Variants in GFPT2 observed in about 807,000 individuals in gnomAD.
GFPT2 encodes glutamine--fructose-6-phosphate transaminase 2.
Under a neutral mutation model 85.6 loss-of-function variants are expected in GFPT2, and 62 were observed. The ratio of observed to expected loss-of-function variants is 0.72; its 90% CI spans 0.59 to 0.90. The LOEUF (loss-of-function observed/expected upper bound fraction) is 0.90, where lower values mean the gene tolerates loss of function less well. Among genes scored for constraint, GFPT2 ranks in the 40% least tolerant of loss-of-function variants. The pLI is 0.00. For missense variants in GFPT2, 788 were observed against 893.4 expected (o/e 0.88, Z 1.50); for synonymous variants, 368 against 344.5 (o/e 1.07, Z -0.75).
At position 180,323,750 on chromosome 5, in the gene GFPT2, T is replaced by A. The variant is rs537979565; in HGVS notation, c.794+438A>T. 1.3e-5 allele frequency among the ~76,000 whole-genome samples: 2 copies of A among 152,296 alleles called. No homozygotes were observed. The highest frequency in any genetic ancestry group is 2.1e-4 in the South Asian group (1 of 4,826). On this transcript the variant is annotated intron_variant, in intron 9 of 18. Transcript: ENST00000253778. This position sits in a 1 kb window ranked among gnomAD's most constrained non-coding sequence, Gnocchi z 4.0. ...AGGCAGGGAGGGGCATGGGAGGGAC[T>A]GAGGTCTAGACACAGTTGTCTCATC...
chr5:180,310,863 A>AAAAT (rs1763868157), intron 15 of GFPT2, among the ~76,000 whole-genome samples: 1 of 132,636 alleles, frequency 7.5e-6, no homozygotes, highest in Non-Finnish European at 1.6e-5. Flanking sequence ...AAAAAAAAAA[A>AAAAT]ATTTTTAGTA....
At chr5:180,343,332 C>G (rs928604390) in intron 1 of GFPT2, among the ~76,000 whole-genome samples, 5 of 152,226 alleles carry the variant, frequency 3.3e-5, no homozygotes, top group African/African-American at 1.2e-4. Flanking sequence ...TTCAGACCCA[C>G]GACAGCCTCC....
chr5:180,331,031 C>T (rs1764291219), intron 5 of GFPT2, 197 bp from the exon 6 acceptor site: 1 of 576,782 alleles, frequency 1.7e-6, no homozygotes, highest in East Asian at 2.9e-5. Flanking sequence ...TGAGATCATC[C>T]CACCTCAGAA....
chr5:180,336,872 G>A (rs919424257), intron 2 of GFPT2, among the ~76,000 whole-genome samples: 2 of 152,240 alleles, frequency 1.3e-5, no homozygotes, highest in African/African-American at 2.4e-5. Context: ...CCAGGCCCTC[G>A]GCTGATGGCA....
At chr5:180,343,105 C>G (rs1261543145) in intron 1 of GFPT2, among the ~76,000 whole-genome samples, 1 of 152,168 alleles carries the variant, frequency 6.6e-6, no homozygotes, top group Admixed American at 6.5e-5. Context: ...ACTTGTACCA[C>G]CCTAAGGGAA....
At chr5:180,313,538 C>T (rs906151247) in intron 14 of GFPT2, among the ~76,000 whole-genome samples, 2 of 151,202 alleles carry the variant, frequency 1.3e-5, no homozygotes, top group African/African-American at 4.9e-5. Flanking sequence ...TGCAGTGAGC[C>T]GAGATCGCGC....
chr5:180,352,164 C>A (rs540045491), intron 1 of GFPT2, among the ~76,000 whole-genome samples: 72 of 152,178 alleles, frequency 4.7e-4, no homozygotes, highest in Non-Finnish European at 5.4e-4. Context: ...TTCCCTTCTG[C>A]CGAGCAGCTG....
At position 180,328,482 on chromosome 5, in the gene GFPT2, TC is replaced by T; in HGVS notation, c.535-145del. 1 of 642,172 alleles carries T rather than the reference TC, an allele frequency of 1.6e-6. No individual in the cohort carries two copies. The highest frequency in any genetic ancestry group is 1.8e-5 in the African/African-American group (1 of 54,746). The allele number at this position is 642,172 out of a possible 1,614,324, so 39.8% of individuals were successfully genotyped here. ...GGGGAGCTGAGTGCAGAACAGCGCA[TC>T]CGGGGTGACATCACGAGGGAAAGCA... On this transcript the variant is annotated intron_variant, in intron 6 of 18. Coordinates refer to ENST00000253778, the MANE Select transcript of GFPT2 (RefSeq NM_005110.4). The surrounding 1 kb of genome is among the most constrained non-coding windows in gnomAD (Gnocchi z 5.4).
intron 12 of GFPT2, 52 bp from the exon 13 acceptor site, chr5:180,316,513 G>A: frequency 5.0e-6 from 8 of 1,605,756 alleles, no homozygotes; most frequent in Non-Finnish European, 6.0e-6. Context: ...GGCACGACAG[G>A]GACATGGGGC....
intron 13 of GFPT2, 39 bp from the exon 14 acceptor site, chr5:180,314,003 G>T (rs1271729407): frequency 5.8e-6 from 9 of 1,548,472 alleles, no homozygotes; most frequent in Non-Finnish European, 2.6e-6. Flanking sequence ...CGCTCCGCCA[G>T]CCTCGGCCCC....
chr5:180,304,333 C>T (rs567745854), intron 17 of GFPT2, among the ~76,000 whole-genome samples: 47 of 152,328 alleles, frequency 3.1e-4, no homozygotes, highest in African/African-American at 1.1e-3. Context: ...GTCAGTTGCT[C>T]AGATGTGTGG....
rs371138776 is a variant in GFPT2, at chr5:180,313,869, G to C, written c.1369C>G (p.Arg457Gly). 1.2e-6 allele frequency: 2 copies of C among 1,604,704 alleles called. No homozygotes were observed. The highest frequency in any genetic ancestry group is 1.7e-6 in the Non-Finnish European group (2 of 1,178,512). Residue 457 changes from arginine to glycine, a missense_variant, in exon 14 of 19, where the codon CGC becomes GGC. Physicochemically the swap from Arg to Gly is moderately radical, Grantham distance 125. Transcript: ENST00000253778. The stretch of plus-strand genomic sequence containing the variant: ...ATGTGGACGCCGCAGTCGGTCTCGC[G>C]AGAGATGGAGCTGCCCACGGTGTTG... The part of the protein sequence containing the change: ...VTNTVGSSIS[R>G]ETDCGVHINA...
rs1454017748 is a variant in GFPT2, at chr5:180,330,699, C to G, written c.534+1G>C. 2 of 1,610,538 alleles carry G rather than the reference C, an allele frequency of 1.2e-6. No homozygotes were observed. Among genetic ancestry groups the G allele is most frequent in the Admixed American group, 3.3e-5 (2 of 59,914 alleles). On this transcript the variant is annotated splice_donor_variant, in intron 6 of 18. Coordinates refer to ENST00000253778, the MANE Select transcript of GFPT2 (RefSeq NM_005110.4). LOFTEE classifies it high-confidence loss of function. The surrounding 1 kb of genome is among the most constrained non-coding windows in gnomAD (Gnocchi z 4.4). Reference sequence around the variant, plus strand: ...TTAGACAGATGGGATTTGTAACTCACCAACTGCTGAATGACTCTCTCGACC... The same window carrying G: ...TTAGACAGATGGGATTTGTAACTCAGCAACTGCTGAATGACTCTCTCGACC...
intron 1 of GFPT2, chr5:180,352,583 G>C: frequency 2.2e-6 from 1 of 449,062 alleles, no homozygotes; most frequent in Non-Finnish European, 4.4e-6. Flanking sequence ...GCCGAGGTTC[G>C]GGCAGTGACT....
At chr5:180,343,234 C>A (rs191206486) in intron 1 of GFPT2, among the ~76,000 whole-genome samples, 1 of 152,204 alleles carries the variant, frequency 6.6e-6, no homozygotes, top group African/African-American at 2.4e-5. Context: ...GCAACTCCCC[C>A]CTGCAGCTCC....
intron 15 of GFPT2, among the ~76,000 whole-genome samples, chr5:180,309,387 G>A (rs1477070016): frequency 6.6e-6 from 1 of 152,212 alleles, no homozygotes; most frequent in Non-Finnish European, 1.5e-5. Flanking sequence ...TGCTTCTCTT[G>A]AGACAAGCAT....
At chr5:180,321,867 T>G (rs1316861702) in intron 9 of GFPT2, among the ~76,000 whole-genome samples, 2 of 152,302 alleles carry the variant, frequency 1.3e-5, no homozygotes, top group East Asian at 3.9e-4. Flanking sequence ...CACTGCAAGC[T>G]CCGCCTCCCG....
In GFPT2 at chr5:180,307,299, C is replaced by A. The variant is rs1340961956; in HGVS notation, c.1551G>T (p.Leu517=). The A allele has an allele frequency of 1.9e-6, 3 of 1,613,938 alleles. No homozygotes were observed. The highest frequency in any genetic ancestry group is 1.7e-5 in the Admixed American group (1 of 60,010). The change falls in exon 16 of 19, where the codon CTG becomes CTT. Residue 517 remains leucine (L), a synonymous_variant. Coordinates refer to ENST00000253778, the MANE Select transcript of GFPT2 (RefSeq NM_005110.4). ...CCTCCAGAGACAGCACTTCCTTGATCAGCTCTGGGCCATGCACGGAGCAGA... is the reference window on the plus strand; with the variant it reads ...CCTCCAGAGACAGCACTTCCTTGATAAGCTCTGGGCCATGCACGGAGCAGA... ...IIRGLRSLPE[L]IKEVLSLEEK... is the part of the protein sequence containing the mutation.
intron 3 of GFPT2, 188 bp downstream of exon 3, chr5:180,336,288 GCGC>G: frequency 1.6e-6 from 1 of 619,220 alleles, no homozygotes; most frequent in Non-Finnish European, 2.9e-6. Flanking sequence ...AATTATCCAT[GCGC>G]CGCCACCACC....
Sources: gnomAD v4.1 joint callset for allele counts (sites outside exome capture counted in the v4.1 genomes callset) on GRCh38, gnomAD v4.1.1 for gene constraint, Gnocchi (gnomAD v3.1) non-coding constraint, MANE v1.5 for transcripts, NCBI Gene and HGNC (gene_info 2026-07-23, HGNC 2026-07-21) for gene names.